DCAF1: variants seen among roughly 807,000 people sequenced by gnomAD.
DCAF1 encodes the protein DDB1 and CUL4 associated factor 1, also known as DDB1- and CUL4-associated factor 1.
DCAF1 carries 15 observed loss-of-function variants against 128.0 expected under a neutral mutation model. The ratio of observed to expected loss-of-function variants is 0.12; its 90% confidence interval spans 0.08 to 0.18. The LOEUF (loss-of-function observed/expected upper bound fraction) is 0.18, where lower values mean the gene tolerates loss of function less well. Among genes scored for constraint, DCAF1 ranks in the 10% least tolerant of loss-of-function variants. The pLI, the probability that DCAF1 is intolerant of heterozygous loss-of-function variation, is 1.00. For missense variants in DCAF1, 988 were observed against 1,649.5 expected (o/e 0.60, Z 6.95); for synonymous variants, 610 against 603.0 (o/e 1.01, Z -0.17).
chr3:51,488,645 A>G (rs548368764), intron 2 of DCAF1, among the ~76,000 whole-genome samples: 2 of 152,288 alleles, frequency 1.3e-5, no homozygotes, highest in Non-Finnish European at 2.9e-5. Flanking sequence ...TCTACTAAAA[A>G]CACAAAAATT....
At chr3:51,499,589 G>GT (rs1708622313) in intron 1 of DCAF1, among the ~76,000 whole-genome samples, 2 of 151,208 alleles carry the variant, frequency 1.3e-5, no homozygotes, top group Non-Finnish European at 3.0e-5. Context: ...GACACACCCC[G>GT]CCCCCCCACT....
At chr3:51,458,127 TAA>T (rs1436582931) in intron 6 of DCAF1, among the ~76,000 whole-genome samples, 16 of 152,106 alleles carry the variant, frequency 1.1e-4, no homozygotes, top group African/African-American at 3.6e-4. Context: ...GCAAATTGGA[TAA>T]AGAGTCAAGA....
intron 2 of DCAF1, among the ~76,000 whole-genome samples, chr3:51,489,039 T>C (rs541035981): frequency 3.3e-5 from 5 of 152,286 alleles, no homozygotes; most frequent in East Asian, 3.9e-4. Flanking sequence ...AAGGGGATTA[T>C]GAACAACACT....
intron 5 of DCAF1, among the ~76,000 whole-genome samples, chr3:51,465,454 C>G (rs1258407636): frequency 6.6e-6 from 1 of 152,114 alleles, no homozygotes; most frequent in Non-Finnish European, 1.5e-5. Context: ...ATAATAATAG[C>G]TAATACTGGC....
chr3:51,491,803 C>T (rs1385958397), intron 2 of DCAF1, among the ~76,000 whole-genome samples: 1 of 152,040 alleles, frequency 6.6e-6, no homozygotes, highest in African/African-American at 2.4e-5. Flanking sequence ...TGAGACAGCG[C>T]CACTGCCCTC....
At chr3:51,499,758 C>G (rs1708655144) in intron 1 of DCAF1, 115 bp downstream of exon 1, 1 of 151,710 alleles carries the variant, frequency 6.6e-6, no homozygotes, top group South Asian at 2.0e-4. Context: ...GCCGGCGGCC[C>G]AAGCAGGTGC....
intron 24 of DCAF1, among the ~76,000 whole-genome samples, chr3:51,401,499 GTCC>G (rs1243916943): frequency 2.0e-5 from 3 of 152,160 alleles, no homozygotes; most frequent in East Asian, 1.9e-4. Flanking sequence ...ACTCTGAGAC[GTCC>G]TCAAGTTGTG....
chr3:51,434,073 C>A (rs1700610409), intron 9 of DCAF1, among the ~76,000 whole-genome samples: 1 of 149,640 alleles, frequency 6.7e-6, no homozygotes, highest in Non-Finnish European at 1.5e-5. Context: ...CGGAAGGAGA[C>A]CCTGTCTCAA....
chr3:51,410,273 C>T (rs1272288067), intron 23 of DCAF1, among the ~76,000 whole-genome samples: 2 of 152,196 alleles, frequency 1.3e-5, no homozygotes, highest in Non-Finnish European at 2.9e-5. Context: ...CTGCAGATCA[C>T]GAATCATCTC....
At chr3:51,447,347 T>C (rs1289990511) in intron 6 of DCAF1, among the ~76,000 whole-genome samples, 2 of 151,734 alleles carry the variant, frequency 1.3e-5, no homozygotes, top group African/African-American at 4.8e-5. Flanking sequence ...AAGGCAGAGG[T>C]TGCAGTGAGC....
At chr3:51,489,567 T>C (rs1156935082) in intron 2 of DCAF1, among the ~76,000 whole-genome samples, 2 of 150,538 alleles carry the variant, frequency 1.3e-5, no homozygotes, top group African/African-American at 4.9e-5. Context: ...AGCGGGTGGA[T>C]CAAGAGGTCA....
chr3:51,453,939 G>A (rs1165351522), intron 6 of DCAF1, among the ~76,000 whole-genome samples: 3 of 149,562 alleles, frequency 2.0e-5, no homozygotes, highest in East Asian at 2.0e-4. Context: ...ACGACAGAGC[G>A]AGACTCCATC....
upstream of DCAF1, among the ~76,000 whole-genome samples, chr3:51,504,908 T>G (rs2108661178): frequency 6.6e-6 from 1 of 151,166 alleles, no homozygotes; most frequent in South Asian, 2.1e-4. Flanking sequence ...AGCCTAGGAG[T>G]TCAAGACCAA....
At chr3:51,449,216 CT>C (rs1156535921) in intron 6 of DCAF1, among the ~76,000 whole-genome samples, 1 of 151,872 alleles carries the variant, frequency 6.6e-6, no homozygotes, top group East Asian at 1.9e-4. Flanking sequence ...ATTTATTTCT[CT>C]TTTTTTTGAG....
intron 2 of DCAF1, among the ~76,000 whole-genome samples, chr3:51,494,685 GC>G (rs1440908380): frequency 6.6e-6 from 1 of 151,882 alleles, no homozygotes; most frequent in Non-Finnish European, 1.5e-5. Context: ...TAATTCAAGG[GC>G]ATTAAAACAC....
chr3:51,398,923 G>T, intron 24 of DCAF1, 96 bp from the exon 25 acceptor site: 1 of 1,467,356 alleles, frequency 6.8e-7, no homozygotes, highest in South Asian at 1.2e-5. Context: ...TCATGCCCGA[G>T]CAAGGTTAAC....
At chr3:51,421,475 TG>T (rs1553632464) in intron 14 of DCAF1, among the ~76,000 whole-genome samples, 1 of 152,210 alleles carries the variant, frequency 6.6e-6, no homozygotes. Context: ...CAGTCTGGTC[TG>T]GAACTCCTGA....
chr3:51,400,559 G>A (rs1450927884), intron 24 of DCAF1, among the ~76,000 whole-genome samples: 1 of 152,160 alleles, frequency 6.6e-6, no homozygotes, highest in African/African-American at 2.4e-5. Context: ...CAGGCTCAAG[G>A]TCTGAGAGAA....
intron 3 of DCAF1, among the ~76,000 whole-genome samples, chr3:51,475,618 T>C (rs1042770607): frequency 4.6e-5 from 7 of 152,150 alleles, no homozygotes; most frequent in East Asian, 1.9e-4. Flanking sequence ...TCCCAGCACT[T>C]TGGGAGGCTG....
Sources: gnomAD v4.1 joint callset for allele counts (sites outside exome capture counted in the v4.1 genomes callset) on GRCh38, gnomAD v4.1.1 for gene constraint, MANE v1.5 for transcripts, NCBI Gene and HGNC (gene_info 2026-07-23, HGNC 2026-07-21) for gene names.